The following MBP variants were observed in gnomAD, a reference collection of about 807,000 sequenced individuals.
The protein encoded by MBP is myelin basic protein.
Under a neutral mutation model 35.8 loss-of-function variants are expected in MBP, and 16 were observed. The ratio of observed to expected loss-of-function variants is 0.45; its 90% confidence interval spans 0.30 to 0.68. MBP has a LOEUF of 0.68. MBP is among the 30% of genes least tolerant of loss of function. The pLI is 0.08. For missense variants in MBP, 380 were observed against 404.7 expected, an observed-to-expected ratio of 0.94 and a Z score of 0.52; for synonymous variants, 143 against 159.6, an observed-to-expected ratio of 0.90 and a Z score of 0.78.
chr18:76,993,450 T>C (rs1158366143), intron 4 of MBP, among the ~76,000 whole-genome samples: 1 of 150,056 alleles, frequency 6.7e-6, no homozygotes, highest in Non-Finnish European at 1.5e-5. Context: ...TTCAGGGGGC[T>C]GAGGCAGGAG....
At chr18:77,033,726 C>G (rs1972628042) in intron 3 of MBP, among the ~76,000 whole-genome samples, 1 of 151,678 alleles carries the variant, frequency 6.6e-6, no homozygotes, top group South Asian at 2.1e-4. Context: ...CAGCATCTGT[C>G]CATCCATTTA....
At chr18:77,124,249 A>G (rs775355398) in intron 1 of MBP, among the ~76,000 whole-genome samples, 1 of 151,972 alleles carries the variant, frequency 6.6e-6, no homozygotes, top group Non-Finnish European at 1.5e-5. Context: ...CTTTTTATAC[A>G]TTGTATATGT....
intron 3 of MBP, among the ~76,000 whole-genome samples, chr18:77,049,837 A>T (rs1973411156): frequency 6.6e-6 from 1 of 151,770 alleles, no homozygotes; most frequent in South Asian, 2.1e-4. Context: ...CCATCACGAC[A>T]CCCGGCTAAT....
chr18:77,074,155 G>T (rs1370302235), intron 2 of MBP, among the ~76,000 whole-genome samples: 1 of 152,180 alleles, frequency 6.6e-6, no homozygotes, highest in African/African-American at 2.4e-5. Flanking sequence ...GGGGTCCTTG[G>T]AGGTAGACAG....
intron 2 of MBP, among the ~76,000 whole-genome samples, chr18:77,084,431 C>CCACACCA (rs1555726653): frequency 5.8e-4 from 61 of 105,964 alleles, no homozygotes; most frequent in Admixed American, 5.2e-3. Context: ...CCACACCACA[C>CCACACCA]CACACACACA....
intron 3 of MBP, among the ~76,000 whole-genome samples, chr18:77,034,618 G>A (rs1171822099): frequency 2.6e-5 from 4 of 152,230 alleles, no homozygotes; most frequent in Non-Finnish European, 5.9e-5. Context: ...AGCCAGGGCT[G>A]CAGGTACACA....
At chr18:76,986,951 T>G in intron 7 of MBP, 1 of 985,440 alleles carries the variant, frequency 1.0e-6, no homozygotes, top group Non-Finnish European at 1.2e-6. Flanking sequence ...GGGGGCTCTC[T>G]GGAACTCCAG....
At chr18:77,010,052 G>C in intron 4 of MBP, 1 of 663,338 alleles carries the variant, frequency 1.5e-6, no homozygotes, top group Non-Finnish European at 2.7e-6. Context: ...GGAGTGAGCG[G>C]GGGGTGGAGG....
chr18:77,066,421 G>A (rs1974202338), intron 2 of MBP, 36 bp from the exon 3 acceptor site: 10 of 1,323,912 alleles, frequency 7.6e-6, no homozygotes, highest in Non-Finnish European at 1.1e-5. Context: ...CTTTTCTTAA[G>A]ATAAATTGTT....
intron 2 of MBP, among the ~76,000 whole-genome samples, chr18:77,078,751 T>TG: frequency 6.6e-6 from 1 of 152,356 alleles, no homozygotes; most frequent in East Asian, 1.9e-4. Flanking sequence ...TGCCCTGTGC[T>TG]GGGGCTCTGC....
chr18:77,016,344 T>G (rs1971635598), intron 4 of MBP: 1 of 987,792 alleles, frequency 1.0e-6, no homozygotes, highest in African/African-American at 1.7e-5. Context: ...ATTGAGGAGT[T>G]TGTTCAAAAG....
At position 76,985,885 on chromosome 18, in the gene MBP, TG is replaced by T. The variant is rs1969530949; in HGVS notation, c.751-992del. 10 of 987,668 alleles carry T rather than the reference TG, an allele frequency of 1.0e-5. No homozygotes were observed. The South Asian group carries it at 4.7e-4, about 46-fold the overall frequency. 61.2% of individuals were successfully genotyped at this position (987,668 alleles called of 1,614,324 possible). On this transcript the variant is annotated intron_variant, in intron 7 of 8. Coordinates refer to ENST00000355994, the MANE Select transcript of MBP (RefSeq NM_001025101.2). The stretch of plus-strand genomic sequence containing the variant: ...TATGGAAGAGCAGGCCGCCCTGCCC[TG>T]GCCTCATCAGCCCCAGCAGCCCCTC...
At chr18:77,049,679 T>A (rs545720940) in intron 3 of MBP, among the ~76,000 whole-genome samples, 9 of 151,306 alleles carry the variant, frequency 5.9e-5, no homozygotes, top group South Asian at 2.1e-4. Context: ...TTTTAATTTT[T>A]ATTTTATTTT....
intron 4 of MBP, among the ~76,000 whole-genome samples, chr18:76,999,585 C>T (rs1290757726): frequency 2.0e-5 from 3 of 151,946 alleles, no homozygotes; most frequent in Non-Finnish European, 4.4e-5. Context: ...TCCCAAGTAG[C>T]TGGGATTACA....
intron 4 of MBP, among the ~76,000 whole-genome samples, chr18:76,998,234 C>T (rs1330163272): frequency 2.6e-5 from 4 of 152,220 alleles, no homozygotes; most frequent in Non-Finnish European, 5.9e-5. Flanking sequence ...ACCCGAGGGG[C>T]CTCCTGTGCA....
At chr18:77,081,722 G>A (rs985943086) in intron 2 of MBP, among the ~76,000 whole-genome samples, 1 of 148,832 alleles carries the variant, frequency 6.7e-6, no homozygotes, top group Non-Finnish European at 1.5e-5. Context: ...TGTCCACACA[G>A]AGCTTATACA....
chr18:77,016,123 C>A, intron 4 of MBP: 1 of 984,952 alleles, frequency 1.0e-6, no homozygotes, highest in East Asian at 1.1e-4. Context: ...ACTGCAGAAA[C>A]CACTCCTAGA....
At chr18:77,110,089 C>T (rs547860551) in intron 1 of MBP, 2 of 152,296 alleles carry the variant, frequency 1.3e-5, no homozygotes, top group African/African-American at 4.8e-5. Flanking sequence ...GCTTCATTCC[C>T]ATTTTACAGT....
intron 4 of MBP, among the ~76,000 whole-genome samples, chr18:77,001,814 C>T (rs1970651179): frequency 6.6e-6 from 1 of 152,130 alleles, no homozygotes; most frequent in Admixed American, 6.5e-5. Context: ...CAAGCCACTG[C>T]ACTCCAGCCT....
Sources: allele counts gnomAD v4.1 joint callset (sites outside exome capture counted in the v4.1 genomes callset), GRCh38; gene constraint gnomAD v4.1.1; transcripts MANE v1.5; gene names NCBI Gene and HGNC (gene_info 2026-07-23, HGNC 2026-07-21).